The following ATP13A5 variants were observed in gnomAD, a reference collection of about 807,000 sequenced individuals.
ATP13A5 encodes ATPase 13A5.
Under a neutral mutation model 150.2 loss-of-function variants are expected in ATP13A5, and 149 were observed. That is an observed-to-expected ratio of 0.99 (90% CI 0.87 to 1.14). The LOEUF (loss-of-function observed/expected upper bound fraction) is 1.14. Among genes scored for constraint, ATP13A5 ranks in the 50% most tolerant of loss-of-function variants. ATP13A5 has a pLI of 0.00. For missense variants in ATP13A5, 1,383 were observed against 1,449.3 expected (o/e 0.95, Z 0.74); for synonymous variants, 497 against 522.2 (o/e 0.95, Z 0.66).
intron 11 of ATP13A5, among the ~76,000 whole-genome samples, chr3:193,332,050 A>G (rs960202164): frequency 6.6e-6 from 1 of 152,148 alleles, no homozygotes; most frequent in African/African-American, 2.4e-5. Flanking sequence ...CTGTGTCCCG[A>G]CCCAAATCTC....
chr3:193,367,659 C>A (rs1011403681), intron 1 of ATP13A5, among the ~76,000 whole-genome samples: 2 of 151,988 alleles, frequency 1.3e-5, no homozygotes, highest in Non-Finnish European at 2.9e-5. Flanking sequence ...CCTAGAAATG[C>A]AAGGATTTAA....
At position 193,286,245 on chromosome 3, in the gene ATP13A5, T is replaced by G. The variant is rs553115500; in HGVS notation, c.3024-1129A>C. 7.0e-4 allele frequency among the ~76,000 whole-genome samples: 106 copies of G among 152,314 alleles called. 1 individual carries two copies. Among genetic ancestry groups the G allele is most frequent in the African/African-American group, 2.3e-3 (94 of 41,586 alleles). ...ATAAGATTCATTTTCTAACGTGAAC[T>G]CAAATGCAAGACTTAATACTTATTA... On this transcript the variant is annotated intron_variant, in intron 26 of 29. Coordinates refer to ENST00000342358, the MANE Select transcript of ATP13A5 (RefSeq NM_198505.4).
intron 25 of ATP13A5, 91 bp downstream of exon 25, chr3:193,299,040 C>G (rs777111633): frequency 1.5e-5 from 15 of 995,446 alleles, no homozygotes; most frequent in Admixed American, 2.7e-5. Flanking sequence ...AATAAGGGTG[C>G]CTCTTTCTCA....
At chr3:193,287,395 G>C (rs1717765377) in intron 26 of ATP13A5, among the ~76,000 whole-genome samples, 1 of 152,112 alleles carries the variant, frequency 6.6e-6, no homozygotes, top group South Asian at 2.1e-4. Context: ...CTCTTATTAG[G>C]GGCTAACGCA....
chr3:193,353,981 C>A, intron 6 of ATP13A5, 146 bp downstream of exon 6: 1 of 599,126 alleles, frequency 1.7e-6, no homozygotes, highest in Non-Finnish European at 2.8e-6. Context: ...TAAAGTAAAC[C>A]TGAGTTTAAA....
At chr3:193,297,587 T>G (rs1045617181) in intron 25 of ATP13A5, among the ~76,000 whole-genome samples, 31 of 152,132 alleles carry the variant, frequency 2.0e-4, no homozygotes, top group African/African-American at 5.6e-4. Flanking sequence ...GCCGTCACTC[T>G]GATAGAATGT....
chr3:193,335,149 C>G lies in ATP13A5; in HGVS notation c.944-50G>C, dbSNP rs200520279. On this transcript the variant is annotated intron_variant, in intron 9 of 29. Coordinates refer to ENST00000342358, the MANE Select transcript of ATP13A5 (RefSeq NM_198505.4). ...ATCTATGTAAGCTCAGGTAGTTGGT[C>G]AGAACTGGTGCATGCCAGTTTCAAG... 4.8e-4 allele frequency: 751 copies of G among 1,576,310 alleles called. 5 individuals are homozygous for G. The African/African-American group carries it at 8.4e-3, about 18-fold the overall frequency.
In ATP13A5 at chr3:193,307,361, A is replaced by G; in HGVS notation, c.2534T>C (p.Val845Ala). 1 of 1,613,638 alleles carries G rather than the reference A, an allele frequency of 6.2e-7. No individual in the cohort carries two copies. The highest frequency in any genetic ancestry group is 1.3e-5 in the African/African-American group (1 of 75,028). ...IEEFQKLNYYVGMCGDGANDC... is the reference protein window; with the variant it reads ...IEEFQKLNYYAGMCGDGANDC... ...GTTAGCTCCATCTCCACACATGCCC[A>G]CATAATAACTGCGGGAGACAGGAGA... Residue 845 changes from valine (V) to alanine (A), a missense_variant, in exon 22 of 30, where the codon GTG (valine) becomes GCG (alanine). Around this residue, in one of 3 missense-constraint regions of ATP13A5, gnomAD observed 568 missense variants for 621.5 expected, o/e 0.91. Coordinates refer to ENST00000342358, the MANE Select transcript of ATP13A5 (RefSeq NM_198505.4).
chr3:193,354,216 C>T lies in ATP13A5; in HGVS notation c.537-20G>A, dbSNP rs1217169689. On this transcript the variant is annotated intron_variant, in intron 5 of 29. Transcript: ENST00000342358. ...AATCTTCTGCGGGAAATTGATCATCCATTAGTGTCATAGCTACAAGCACAT... is the reference window on the plus strand; with the variant it reads ...AATCTTCTGCGGGAAATTGATCATCTATTAGTGTCATAGCTACAAGCACAT... 1 of 1,603,038 alleles carries T rather than the reference C, an allele frequency of 6.2e-7. No homozygotes were observed.
At chr3:193,368,497 G>A (rs1310237269) in intron 1 of ATP13A5, among the ~76,000 whole-genome samples, 4 of 151,328 alleles carry the variant, frequency 2.6e-5, no homozygotes, top group East Asian at 1.9e-4. Flanking sequence ...TTTTTGAAAC[G>A]AATAAATGTG....
chr3:193,368,968 G>T (rs941322358), intron 1 of ATP13A5, among the ~76,000 whole-genome samples: 1 of 152,220 alleles, frequency 6.6e-6, no homozygotes, highest in Non-Finnish European at 1.5e-5. Flanking sequence ...TTCTGGCTGG[G>T]CACAGTGTCT....
chr3:193,310,483 C>G (rs1242312023), intron 21 of ATP13A5, among the ~76,000 whole-genome samples, 155 bp downstream of exon 21: 1 of 152,160 alleles, frequency 6.6e-6, no homozygotes, highest in East Asian at 1.9e-4. Flanking sequence ...ACACTCCCAC[C>G]AATAGTGTAT....
chr3:193,312,622 A>G (rs1001990798), intron 19 of ATP13A5: 1 of 152,206 alleles, frequency 6.6e-6, no homozygotes, highest in African/African-American at 2.4e-5. Flanking sequence ...CATTCATTAT[A>G]TCAATAATTA....
chr3:193,346,450 G>A (rs985073323), intron 7 of ATP13A5, among the ~76,000 whole-genome samples: 1 of 152,156 alleles, frequency 6.6e-6, no homozygotes, highest in Non-Finnish European at 1.5e-5. Context: ...ACATCAGCGA[G>A]AGAAAGTTCC....
At chr3:193,358,752 G>A (rs73888288) in intron 5 of ATP13A5, among the ~76,000 whole-genome samples, 1,523 of 152,262 alleles carry the variant, frequency 0.01, 22 homozygotes, top group African/African-American at 0.035. Flanking sequence ...TAAGTGAGGC[G>A]CTTCCAGTCA....
At chr3:193,297,291 G>A (rs1718212849) in intron 25 of ATP13A5, among the ~76,000 whole-genome samples, 1 of 151,902 alleles carries the variant, frequency 6.6e-6, no homozygotes, top group Non-Finnish European at 1.5e-5. Context: ...CTTAATGTAA[G>A]GGAAGAAAAG....
chr3:193,355,746 A>G (rs964581774), intron 5 of ATP13A5, among the ~76,000 whole-genome samples: 2 of 152,084 alleles, frequency 1.3e-5, no homozygotes, highest in East Asian at 3.9e-4. Context: ...AACTCAAACC[A>G]TTTCAGTACT....
chr3:193,363,895 G>A (rs1713135639), intron 2 of ATP13A5, among the ~76,000 whole-genome samples: 1 of 152,174 alleles, frequency 6.6e-6, no homozygotes, highest in South Asian at 2.1e-4. Flanking sequence ...TGAAGCAGAA[G>A]AAATGCTCTT....
intron 25 of ATP13A5, among the ~76,000 whole-genome samples, chr3:193,295,820 T>C (rs1302630160): frequency 6.6e-6 from 1 of 152,130 alleles, no homozygotes. Flanking sequence ...CTGTACAAGA[T>C]AAAACTTATG....
Sources: allele counts gnomAD v4.1 joint callset (sites outside exome capture counted in the v4.1 genomes callset), GRCh38; gene constraint gnomAD v4.1.1; regional missense constraint gnomAD v4.1.1; transcripts MANE v1.5; gene names NCBI Gene and HGNC (gene_info 2026-07-23, HGNC 2026-07-21).